RAPGEF2: variants seen among roughly 807,000 people sequenced by gnomAD.
RAPGEF2 encodes Rap guanine nucleotide exchange factor 2, also known as PDZ domain containing guanine nucleotide exchange factor (GEF) 1.
In RAPGEF2, 54 loss-of-function variants were observed where a neutral mutation model predicts 186.7. The ratio of observed to expected loss-of-function variants is 0.29; its 90% CI spans 0.23 to 0.36. RAPGEF2 has a LOEUF of 0.36. RAPGEF2 is among the 10% of genes least tolerant of loss of function. The pLI is 1.00. For missense variants in RAPGEF2, 1,532 were observed against 2,045.0 expected (o/e 0.75, Z 4.84); for synonymous variants, 712 against 705.9 (o/e 1.01, Z -0.14).
intron 1 of RAPGEF2, among the ~76,000 whole-genome samples, chr4:159,150,889 C>G (rs1253750532): frequency 6.6e-6 from 1 of 152,188 alleles, no homozygotes; most frequent in Non-Finnish European, 1.5e-5. Flanking sequence ...TGACTGCCCT[C>G]CTTCTCTGCT....
chr4:159,121,089 G>T (rs1377133544), intron 1 of RAPGEF2, among the ~76,000 whole-genome samples: 1 of 152,094 alleles, frequency 6.6e-6, no homozygotes, highest in Non-Finnish European at 1.5e-5. Context: ...TCCATCTCAA[G>T]CTATCTGCCT....
intron 7 of RAPGEF2, among the ~76,000 whole-genome samples, chr4:159,255,342 A>G (rs1416262479): frequency 6.7e-6 from 1 of 149,312 alleles, no homozygotes; most frequent in Admixed American, 6.7e-5. Context: ...CTTTTGCTCT[A>G]TTTTGAATAT....
At chr4:159,267,468 T>G (rs1384247520) in intron 7 of RAPGEF2, among the ~76,000 whole-genome samples, 1 of 152,182 alleles carries the variant, frequency 6.6e-6, no homozygotes, top group Non-Finnish European at 1.5e-5. Context: ...TAAATGTCCA[T>G]CAGTGTCATG....
chr4:159,234,862 C>T (rs1348870573), intron 4 of RAPGEF2, among the ~76,000 whole-genome samples: 3 of 152,118 alleles, frequency 2.0e-5, no homozygotes, highest in African/African-American at 7.2e-5. Flanking sequence ...TGAGTTCAAG[C>T]GATTCTCCTA....
rs184955827 is a variant in RAPGEF2, at chr4:159,334,493, C to T, written c.2135+1796C>T. Among the ~76,000 whole-genome samples, 8 of 152,248 alleles carry T rather than the reference C, an allele frequency of 5.3e-5. No individual in the cohort carries two copies. The East Asian group carries it at 1.5e-3, about 29-fold the overall frequency. ...CGATCTCCTGTCCTCAAATGATCCA[C>T]CCACCTGGGCTTCTCAAAGTGCTGG... On this transcript the variant is annotated intron_variant, in intron 17 of 29. Coordinates refer to ENST00000691494, the MANE Select transcript of RAPGEF2 (RefSeq NM_001394067.2).
chr4:159,330,074 G>A, intron 12 of RAPGEF2, 64 bp downstream of exon 12: 1 of 1,520,524 alleles, frequency 6.6e-7, no homozygotes, highest in Non-Finnish European at 8.8e-7. Context: ...GGTTGTGGCA[G>A]TTTAGGATTT....
Position 159,343,352 on chromosome 4 carries a change from G to A in RAPGEF2, c.3202G>A (p.Val1068Ile), listed in dbSNP as rs749867520. 49 of 1,613,974 alleles carry A rather than the reference G, an allele frequency of 3.0e-5. 1 individual carries two copies. The Admixed American group carries it at 6.7e-4, about 22-fold the overall frequency. Residue 1068 changes from valine (V) to isoleucine (I), a missense_variant, in exon 22 of 30, where the codon GTT (valine) becomes ATT (isoleucine). By Grantham distance (29) the Val-to-Ile change is conservative (BLOSUM62 3). Transcript: ENST00000691494. ...GATGATTGCAAAAGAAATTCGTCAC[G>A]TTGGCCGAATGGCTTCAGTGAACAT... ...LRMIAKEIRH[V>I]GRMASVNMDP...
At chr4:159,118,577 T>C (rs1739309661) in intron 1 of RAPGEF2, among the ~76,000 whole-genome samples, 3 of 151,604 alleles carry the variant, frequency 2.0e-5, no homozygotes, top group African/African-American at 7.3e-5. Flanking sequence ...TTAATGTATA[T>C]TAAAGTATTA....
intron 24 of RAPGEF2, 148 bp from the exon 25 acceptor site, chr4:159,346,641 G>A (rs1401667460): frequency 1.5e-6 from 1 of 668,856 alleles, no homozygotes; most frequent in African/African-American, 1.8e-5. Flanking sequence ...TCCATTTTCT[G>A]TGCTTCATAA....
intron 7 of RAPGEF2, among the ~76,000 whole-genome samples, chr4:159,298,818 G>T (rs1419051212): frequency 6.6e-6 from 1 of 152,090 alleles, no homozygotes; most frequent in Non-Finnish European, 1.5e-5. Context: ...AGGGACCTGC[G>T]CCTTGCAGAG....
At chr4:159,129,965 G>A (rs530848936) in intron 1 of RAPGEF2, among the ~76,000 whole-genome samples, 22 of 152,236 alleles carry the variant, frequency 1.4e-4, no homozygotes, top group African/African-American at 4.8e-4. Context: ...ACTAAACAAG[G>A]GGTGAATTAT....
At chr4:159,327,307 A>G (rs1292374953) in intron 11 of RAPGEF2, 2 of 152,164 alleles carry the variant, frequency 1.3e-5, no homozygotes, top group Admixed American at 6.5e-5. Context: ...TAGTACTTTC[A>G]TGGGCTTACA....
chr4:159,234,453 T>C (rs1561120808), intron 4 of RAPGEF2, among the ~76,000 whole-genome samples: 1 of 150,784 alleles, frequency 6.6e-6, no homozygotes, highest in Non-Finnish European at 1.5e-5. Context: ...AACGATCTCG[T>C]CTCACCGCAA....
chr4:159,234,146 T>A (rs1291181767), intron 4 of RAPGEF2, among the ~76,000 whole-genome samples: 1 of 152,094 alleles, frequency 6.6e-6, no homozygotes, highest in African/African-American at 2.4e-5. Flanking sequence ...TTTGATAGTG[T>A]TGAGTCCATT....
chr4:159,107,084 C>G (rs1737967847), intron 1 of RAPGEF2, among the ~76,000 whole-genome samples: 1 of 152,114 alleles, frequency 6.6e-6, no homozygotes, highest in African/African-American at 2.4e-5. Flanking sequence ...AACTCTAATC[C>G]AATGTGTGTC....
At chr4:159,325,308 C>G (rs1159436009) in intron 11 of RAPGEF2, among the ~76,000 whole-genome samples, 1 of 151,922 alleles carries the variant, frequency 6.6e-6, no homozygotes, top group East Asian at 1.9e-4. Flanking sequence ...GAGAGGAAAA[C>G]AAAATGGTTA....
chr4:159,214,583 C>T (rs566680098), intron 4 of RAPGEF2, among the ~76,000 whole-genome samples: 1 of 152,212 alleles, frequency 6.6e-6, no homozygotes, highest in East Asian at 1.9e-4. Context: ...AAAATTACCC[C>T]ATTCTATGAA....
chr4:159,271,779 GGCATATGTGACATTCCAAGCA>G (rs1167621407), intron 7 of RAPGEF2, among the ~76,000 whole-genome samples: 2 of 151,980 alleles, frequency 1.3e-5, no homozygotes, highest in African/African-American at 4.8e-5. Flanking sequence ...TCTTTTTCCT[GGCATATGTGACATTCCAAGCA>G]GCAAGAATAT....
intron 2 of RAPGEF2, among the ~76,000 whole-genome samples, chr4:159,188,804 G>A (rs1405479150): frequency 2.6e-5 from 4 of 152,154 alleles, no homozygotes; most frequent in African/African-American, 9.7e-5. Context: ...AAGTTCAAGG[G>A]TATAGTTGAG....
Sources: allele counts gnomAD v4.1 joint callset (sites outside exome capture counted in the v4.1 genomes callset), GRCh38; gene constraint gnomAD v4.1.1; transcripts MANE v1.5; gene names NCBI Gene and HGNC (gene_info 2026-07-23, HGNC 2026-07-21).